DUSP29: variants seen among roughly 807,000 people sequenced by gnomAD.
DUSP29 encodes the protein atypical dual-specific protein phosphatase.
Under a neutral mutation model 13.5 loss-of-function variants are expected in DUSP29, and 12 were observed. The ratio of observed to expected loss-of-function variants is 0.89; its 90% CI spans 0.57 to 1.44. The LOEUF is 1.44. DUSP29 is among the 40% of genes most tolerant of loss of function. DUSP29 has a pLI of 0.00. For synonymous variants in DUSP29, 134 were observed against 128.7 expected (o/e 1.04, Z -0.28); for missense variants, 308 against 301.1 (o/e 1.02, Z -0.17).
rs112162456 is a variant in DUSP29 at position 75,067,483 on chromosome 10, G to A, written c.-35+6086C>T. Among the ~76,000 whole-genome samples, 297 of 152,292 alleles carry A rather than the reference G, an allele frequency of 2.0e-3. 1 individual carries two copies. The highest frequency in any genetic ancestry group is 6.9e-3 in the African/African-American group (287 of 41,556). ...CTTAGCTTGGTCTTAGTCTAACTCA[G>A]CTGACATGGGGGTGCTCTGGCGGGT... On this transcript the variant is annotated intron_variant, in intron 1 of 3. Transcript: ENST00000338487.
intron 1 of DUSP29, among the ~76,000 whole-genome samples, chr10:75,069,943 G>T (rs1345128941): frequency 2.0e-5 from 3 of 151,912 alleles, no homozygotes; most frequent in Admixed American, 6.6e-5. Context: ...CCAGCTACTA[G>T]GGAGGCTGAG....
intron 1 of DUSP29, among the ~76,000 whole-genome samples, chr10:75,072,894 C>A (rs11001282): frequency 0.076 from 11,527 of 151,940 alleles, 597 homozygotes; most frequent in East Asian, 0.2. Flanking sequence ...CCACTTCCTG[C>A]CCACACAGGT....
rs550863669 is a variant in DUSP29, at chr10:75,073,595, C to G, written c.-61G>C. ...TGGGTGTGCCGGGGCCTGGCCGCGT[C>G]GGGAGGTTCTGGTCCGTGGGGCATG... is the stretch of plus-strand genomic sequence containing the variant. On this transcript the variant is annotated 5_prime_UTR_variant, in exon 1 of 4. Coordinates refer to ENST00000338487, the MANE Select transcript of DUSP29 (RefSeq NM_001003892.3). Among the ~76,000 whole-genome samples the G allele has an allele frequency of 6.6e-6, 1 of 152,318 alleles. No homozygotes were observed. Among genetic ancestry groups the G allele is most frequent in the South Asian group, 2.1e-4 (1 of 4,828 alleles).
At chr10:75,039,724 C>T (rs1461813486) in intron 3 of DUSP29, among the ~76,000 whole-genome samples, 1 of 152,204 alleles carries the variant, frequency 6.6e-6, no homozygotes, top group Non-Finnish European at 1.5e-5. Context: ...CTCCCATGCA[C>T]TATCTGGGAA....
intron 2 of DUSP29, among the ~76,000 whole-genome samples, chr10:75,045,599 A>T (rs1449052385): frequency 6.6e-6 from 1 of 152,184 alleles, no homozygotes; most frequent in African/African-American, 2.4e-5. Context: ...GCTGAGGAAG[A>T]GTTGGAGAGA....
intron 2 of DUSP29, among the ~76,000 whole-genome samples, chr10:75,051,356 A>G (rs932177949): frequency 2.0e-5 from 3 of 152,214 alleles, no homozygotes; most frequent in East Asian, 1.9e-4. Context: ...TTTTGCTTGC[A>G]TTAACGCATA....
chr10:75,055,380 A>T (rs1002706394), intron 2 of DUSP29, among the ~76,000 whole-genome samples: 1 of 152,230 alleles, frequency 6.6e-6, no homozygotes, highest in Non-Finnish European at 1.5e-5. Flanking sequence ...TTAGACTTAC[A>T]GAAACGTGCA....
At position 75,069,293 on chromosome 10, in the gene DUSP29, G is replaced by A. The variant is rs199661272; in HGVS notation, c.-35+4276C>T. Among the ~76,000 whole-genome samples, 6 of 152,298 alleles carry A rather than the reference G, an allele frequency of 3.9e-5. No homozygotes were observed. The East Asian group carries it at 7.7e-4, about 20-fold the overall frequency. On this transcript the variant is annotated intron_variant, in intron 1 of 3. Coordinates refer to ENST00000338487, the MANE Select transcript of DUSP29 (RefSeq NM_001003892.3). ...GGAGCCGGCCGGGATGGACTTTCTC[G>A]AGCGGCCAGGGGAGAGGGAGCTGTG...
intron 3 of DUSP29, among the ~76,000 whole-genome samples, chr10:75,040,872 T>C (rs1846566206): frequency 6.6e-6 from 1 of 151,980 alleles, no homozygotes; most frequent in South Asian, 2.1e-4. Flanking sequence ...CAAGTCAGGG[T>C]AGTGATGGGA....
intron 2 of DUSP29, among the ~76,000 whole-genome samples, chr10:75,045,443 TA>T (rs1390083853): frequency 6.6e-6 from 1 of 152,206 alleles, no homozygotes; most frequent in Non-Finnish European, 1.5e-5. Context: ...TAAACAAAGA[TA>T]ATTTTAGATA....
rs539237899 is a variant in DUSP29 at position 75,053,446 on chromosome 10, A to G, written c.200+4869T>C. 5.3e-5 allele frequency among the ~76,000 whole-genome samples: 8 copies of G among 152,358 alleles called. No individual in the cohort carries two copies. In the South Asian group the frequency reaches 1.2e-3, roughly 24 times the overall value. ...ACTACTTGCCAGATACTACTCTAGCATTTGTTTGATTTCATTTAATCTTCA... is the reference window on the plus strand; with the variant it reads ...ACTACTTGCCAGATACTACTCTAGCGTTTGTTTGATTTCATTTAATCTTCA... On this transcript the variant is annotated intron_variant, in intron 2 of 3. Coordinates refer to ENST00000338487, the MANE Select transcript of DUSP29 (RefSeq NM_001003892.3).
intron 3 of DUSP29, among the ~76,000 whole-genome samples, chr10:75,041,427 G>A (rs1846580916): frequency 6.6e-6 from 1 of 152,128 alleles, no homozygotes. Flanking sequence ...TCCCACATTT[G>A]CACTGACTCT....
chr10:75,043,603 C>T (rs1477696881), intron 3 of DUSP29, among the ~76,000 whole-genome samples, 194 bp downstream of exon 3: 1 of 152,202 alleles, frequency 6.6e-6, no homozygotes, highest in Non-Finnish European at 1.5e-5. Context: ...CCCAGCTTTG[C>T]GACAAAGATT....
chr10:75,045,152 T>C (rs1846677562), intron 2 of DUSP29, among the ~76,000 whole-genome samples: 1 of 152,020 alleles, frequency 6.6e-6, no homozygotes, highest in Admixed American at 6.6e-5. Flanking sequence ...AGGTCAGGAG[T>C]TCGAGACCAG....
chr10:75,055,913 GT>G (rs973076245), intron 2 of DUSP29, among the ~76,000 whole-genome samples: 2 of 152,048 alleles, frequency 1.3e-5, no homozygotes, highest in African/African-American at 4.8e-5. Flanking sequence ...ATAGTATGGG[GT>G]TTTGTTTGTT....
In DUSP29 at chr10:75,058,362, C is replaced by T. The variant is rs1847011783; in HGVS notation, c.153G>A (p.Gln51=). 1 of 1,614,188 alleles carries T rather than the reference C, an allele frequency of 6.2e-7. No homozygotes were observed. Among genetic ancestry groups the T allele is most frequent in the Non-Finnish European group, 8.5e-7 (1 of 1,180,036 alleles). The change falls in exon 2 of 4, where the codon CAG becomes CAA. Residue 51 remains glutamine (Q), a synonymous_variant. Transcript: ENST00000338487. ...GCCAGACCTCGTTGACGTGGGTGTA[C>T]TGGGGACTGCCCTTCCAGAAGAGCC... The part of the protein sequence containing the change: ...LERLFWKGSP[Q]YTHVNEVWPK...
At chr10:75,071,156 A>G (rs11001280) in intron 1 of DUSP29, among the ~76,000 whole-genome samples, 1 of 152,358 alleles carries the variant, frequency 6.6e-6, no homozygotes, top group Admixed American at 6.5e-5. Context: ...TTTAGGCTGC[A>G]TGACCTTGGG....
At chr10:75,057,497 T>C (rs1178131065) in intron 2 of DUSP29, among the ~76,000 whole-genome samples, 1 of 152,144 alleles carries the variant, frequency 6.6e-6, no homozygotes, top group Non-Finnish European at 1.5e-5. Context: ...ATTTAACTGC[T>C]CTGTGCCTCA....
intron 1 of DUSP29, among the ~76,000 whole-genome samples, chr10:75,066,009 G>T (rs1217160007): frequency 6.6e-6 from 1 of 152,142 alleles, no homozygotes; most frequent in African/African-American, 2.4e-5. Flanking sequence ...GAGATTACGG[G>T]TGTGAGCCAC....
Sources: allele counts gnomAD v4.1 joint callset (sites outside exome capture counted in the v4.1 genomes callset), GRCh38; gene constraint gnomAD v4.1.1; transcripts MANE v1.5; gene names NCBI Gene and HGNC (gene_info 2026-07-23, HGNC 2026-07-21).